Variants in ITSN1 observed in about 807,000 individuals in gnomAD.
ITSN1 encodes intersectin-1.
ITSN1 carries 58 observed loss-of-function variants against 239.8 expected under a neutral mutation model. That is an observed-to-expected ratio of 0.24 (90% CI 0.20 to 0.30). The LOEUF (loss-of-function observed/expected upper bound fraction) is 0.30, where lower values mean the gene tolerates loss of function less well. Among genes scored for constraint, ITSN1 ranks in the 10% least tolerant of loss-of-function variants. The probability of loss-of-function intolerance (pLI) is 1.00; values close to 1 mark genes in which losing one functional copy is unlikely to be tolerated. For synonymous variants in ITSN1, 780 were observed against 770.8 expected (o/e 1.01, Z -0.20); for missense variants, 1,558 against 2,103.3 (o/e 0.74, Z 5.07).
intron 29 of ITSN1, among the ~76,000 whole-genome samples, chr21:33,845,812 G>A (rs1036678978): frequency 3.7e-4 from 57 of 152,258 alleles, no homozygotes; most frequent in African/African-American, 1.2e-3. Flanking sequence ...TTTCCAAATG[G>A]CCCTGTTGAA....
chr21:33,643,209 T>C (rs1404207600), intron 1 of ITSN1, among the ~76,000 whole-genome samples: 1 of 151,618 alleles, frequency 6.6e-6, no homozygotes, highest in Admixed American at 6.5e-5. Flanking sequence ...CCTCGGCCCC[T>C]CGCTCGCAAG....
chr21:33,871,358 G>A (rs1982684104), intron 33 of ITSN1, among the ~76,000 whole-genome samples: 2 of 150,634 alleles, frequency 1.3e-5, no homozygotes, highest in African/African-American at 4.9e-5. Flanking sequence ...GATGCATTTT[G>A]CAAGAAGAGG....
At chr21:33,857,548 G>A (rs1369232308) in intron 30 of ITSN1, among the ~76,000 whole-genome samples, 1 of 152,154 alleles carries the variant, frequency 6.6e-6, no homozygotes, top group Non-Finnish European at 1.5e-5. Context: ...AGAGTGCTGT[G>A]GTAGTCTGGC....
intron 1 of ITSN1, among the ~76,000 whole-genome samples, chr21:33,671,574 T>A (rs2090283899): frequency 6.6e-6 from 1 of 152,046 alleles, no homozygotes; most frequent in South Asian, 2.1e-4. Flanking sequence ...TTTTTTTAAG[T>A]TGGATGATAA....
intron 29 of ITSN1, among the ~76,000 whole-genome samples, chr21:33,842,966 T>C (rs1284550834): frequency 6.6e-6 from 1 of 152,104 alleles, no homozygotes; most frequent in African/African-American, 2.4e-5. Flanking sequence ...CACACACTCA[T>C]GCACGCTGAT....
intron 20 of ITSN1, among the ~76,000 whole-genome samples, chr21:33,807,981 C>G (rs557396026): frequency 1.3e-5 from 2 of 150,020 alleles, no homozygotes; most frequent in African/African-American, 4.9e-5. Context: ...GTCAGGAGAT[C>G]GAGACCATCC....
Position 33,765,802 on chromosome 21 carries a change from T to C in ITSN1, c.789-73T>C. On this transcript the variant is annotated intron_variant, in intron 9 of 39. Coordinates refer to ENST00000381318, the MANE Select transcript of ITSN1 (RefSeq NM_003024.3). ...TGTGGTCAATAAGAAAACATAACTT[T>C]TAAATCACTAATGAATAGTAAAAAG... The C allele has an allele frequency of 2.0e-6, 3 of 1,535,110 alleles. No homozygotes were observed. In the Admixed American group the frequency reaches 5.1e-5, roughly 26 times the overall value.
At chr21:33,752,672 G>T (rs966142401) in intron 7 of ITSN1, among the ~76,000 whole-genome samples, 5 of 152,046 alleles carry the variant, frequency 3.3e-5, no homozygotes, top group Non-Finnish European at 7.4e-5. Flanking sequence ...GATCGCTTGA[G>T]CTCATGAGTT....
intron 19 of ITSN1, 84 bp from the exon 20 acceptor site, chr21:33,802,346 A>G (rs143696771): frequency 1.1e-4 from 144 of 1,360,452 alleles, no homozygotes; most frequent in Admixed American, 1.7e-4. Flanking sequence ...TGAGATGCGT[A>G]GAGTTTAGAT....
chr21:33,834,661 T>TG (rs1463953518), intron 28 of ITSN1, among the ~76,000 whole-genome samples: 3 of 152,208 alleles, frequency 2.0e-5, no homozygotes. Context: ...ATGCTCTTCT[T>TG]GCAGGAGTCA....
chr21:33,658,896 G>A (rs1421476924), intron 1 of ITSN1, among the ~76,000 whole-genome samples: 1 of 152,152 alleles, frequency 6.6e-6, no homozygotes, highest in African/African-American at 2.4e-5. Flanking sequence ...TGAGTGGTGG[G>A]AGTGTCTTCT....
At chr21:33,824,532 G>A (rs1216399537) in intron 25 of ITSN1, among the ~76,000 whole-genome samples, 1 of 152,054 alleles carries the variant, frequency 6.6e-6, no homozygotes, top group East Asian at 1.9e-4. Context: ...GGCTGGCAGG[G>A]AGCCTGTAGG....
intron 1 of ITSN1, among the ~76,000 whole-genome samples, chr21:33,647,039 T>C (rs2088021960): frequency 6.6e-6 from 1 of 152,056 alleles, no homozygotes; most frequent in African/African-American, 2.4e-5. Flanking sequence ...CTATGTATAA[T>C]TTTTTTAATT....
chr21:33,678,181 C>G (rs1012426796), intron 1 of ITSN1, among the ~76,000 whole-genome samples: 22 of 152,074 alleles, frequency 1.4e-4, no homozygotes, highest in Non-Finnish European at 5.9e-5. Context: ...TCTTTTCTTT[C>G]GTTGGGTCTT....
intron 1 of ITSN1, among the ~76,000 whole-genome samples, chr21:33,656,638 C>T (rs1290491518): frequency 2.0e-5 from 3 of 152,156 alleles, no homozygotes; most frequent in Admixed American, 6.5e-5. Flanking sequence ...AGGGTTCAAA[C>T]GGTCCCCCCA....
chr21:33,895,553 A>ATG lies in ITSN1; in HGVS notation c.*7260_*7261dup. On this transcript the variant is annotated 3_prime_UTR_variant, in exon 40 of 40. Coordinates refer to ENST00000381318, the MANE Select transcript of ITSN1 (RefSeq NM_003024.3). ...TGTGTGTCTACGTGTGTGTGCACGC[A>ATG]TGTGTGTGCGTGTATGTGTGCGTGT... 1 of 139,206 alleles carries ATG rather than the reference A, an allele frequency of 7.2e-6. No homozygotes were observed. The highest frequency in any genetic ancestry group is 1.5e-5 in the Non-Finnish European group (1 of 65,006). 8.6% of individuals were successfully genotyped at this position (139,206 alleles called of 1,614,324 possible). A position where few individuals can be genotyped will look rare whatever the true frequency, so the allele number is the denominator to read the frequency against.
At chr21:33,883,814 T>G in intron 36 of ITSN1, 143 bp downstream of exon 36, 3 of 854,032 alleles carry the variant, frequency 3.5e-6, no homozygotes, top group Non-Finnish European at 5.1e-6. Flanking sequence ...GGGCTATTAC[T>G]TTTTTCTACA....
At chr21:33,825,750 C>G (rs2073941635) in intron 25 of ITSN1, among the ~76,000 whole-genome samples, 1 of 152,062 alleles carries the variant, frequency 6.6e-6, no homozygotes, top group African/African-American at 2.4e-5. Flanking sequence ...GATATGCAGC[C>G]TATTGAAAAA....
rs1944160043 is a variant in ITSN1, at chr21:33,818,397, A to G, written c.2858A>G (p.Glu953Gly). 2 of 1,614,216 alleles carry G rather than the reference A, an allele frequency of 1.2e-6. No homozygotes were observed. Among genetic ancestry groups the G allele is most frequent in the Non-Finnish European group, 1.7e-6 (2 of 1,180,038 alleles). ...CAGCAAGACATGTGGTGGTTTGGAG[A>G]AGTTCAAGGTCAGAAGGGTTGGTTC... ...LEQQDMWWFG[E>G]VQGQKGWFPK... Residue 953 changes from glutamate to glycine, a missense_variant, in exon 23 of 40, where the codon GAA becomes GGA. Glu to Gly is a moderately conservative substitution (Grantham distance 98). Around this residue, in one of 2 missense-constraint regions of ITSN1, gnomAD observed 982 missense variants for 1,209.9 expected, o/e 0.81. Transcript: ENST00000381318.
Sources: allele counts gnomAD v4.1 joint callset (sites outside exome capture counted in the v4.1 genomes callset), GRCh38; gene constraint gnomAD v4.1.1; regional missense constraint gnomAD v4.1.1; transcripts MANE v1.5; gene names NCBI Gene and HGNC (gene_info 2026-07-23, HGNC 2026-07-21).